LARGE1: variants seen among roughly 807,000 people sequenced by gnomAD.
LARGE1 encodes xylosyl- and glucuronyltransferase LARGE1.
LARGE1 carries 43 observed loss-of-function variants against 87.6 expected under a neutral mutation model. That is an observed-to-expected ratio of 0.49 (90% CI 0.38 to 0.63). LARGE1 has a LOEUF of 0.63. Ranked by LOEUF, LARGE1 falls within the 30% of genes least tolerant of loss-of-function variation. The pLI is 0.00. For synonymous variants in LARGE1, 434 were observed against 394.6 expected (o/e 1.10, Z -1.18); for missense variants, 802 against 1,000.2 (o/e 0.80, Z 2.67).
At chr22:33,331,490 C>A (rs189337047) in intron 10 of LARGE1, among the ~76,000 whole-genome samples, 1 of 150,840 alleles carries the variant, frequency 6.6e-6, no homozygotes, top group Non-Finnish European at 1.5e-5. Flanking sequence ...TCACTGCATC[C>A]TCTGCCTCCC....
intron 1 of LARGE1, among the ~76,000 whole-genome samples, chr22:33,771,139 CTTT>C (rs2085056106): frequency 6.6e-6 from 1 of 151,174 alleles, no homozygotes; most frequent in Non-Finnish European, 1.5e-5. Context: ...CACTGCCCTT[CTTT>C]ATCATACTCT....
the LARGE1 span, among the ~76,000 whole-genome samples, chr22:33,122,964 G>A: frequency 6.6e-6 from 1 of 152,186 alleles, no homozygotes; most frequent in Non-Finnish European, 1.5e-5. Flanking sequence ...AGGGGGCATA[G>A]GCTGGGATCT....
At chr22:33,454,609 C>T (rs2068057949) in intron 6 of LARGE1, among the ~76,000 whole-genome samples, 1 of 133,384 alleles carries the variant, frequency 7.5e-6, no homozygotes, top group Non-Finnish European at 1.6e-5. Flanking sequence ...CAGAGCAAGA[C>T]TCTGTCTAAA....
At chr22:33,364,447 A>C (rs940441408) in intron 9 of LARGE1, among the ~76,000 whole-genome samples, 1 of 151,906 alleles carries the variant, frequency 6.6e-6, no homozygotes, top group Non-Finnish European at 1.5e-5. Flanking sequence ...GCTGTTTTTT[A>C]TGTTCTTCCC....
intron 2 of LARGE1, among the ~76,000 whole-genome samples, chr22:33,706,065 C>A (rs534206075): frequency 2.0e-5 from 3 of 152,180 alleles, no homozygotes; most frequent in Non-Finnish European, 2.9e-5. Flanking sequence ...CAGTTAACTG[C>A]CCCGGTGGGC....
intron 2 of LARGE1, among the ~76,000 whole-genome samples, chr22:33,689,629 T>A (rs902613180): frequency 6.6e-6 from 1 of 151,296 alleles, no homozygotes; most frequent in African/African-American, 2.4e-5. Context: ...AAGAAAAAGG[T>A]GAGGTGGGGG....
At chr22:33,810,028 C>T (rs1339746359) in intron 1 of LARGE1, among the ~76,000 whole-genome samples, 2 of 151,966 alleles carry the variant, frequency 1.3e-5, no homozygotes, top group Non-Finnish European at 2.9e-5. Context: ...CAGGAGAGCA[C>T]AGAAAAAAAA....
intron 1 of LARGE1, among the ~76,000 whole-genome samples, chr22:33,765,055 T>C (rs2084856965): frequency 6.6e-6 from 1 of 152,226 alleles, no homozygotes; most frequent in Admixed American, 6.5e-5. Flanking sequence ...AAGTAGCACT[T>C]ATATGTCAAG....
chr22:33,674,520 T>C (rs1203467522), intron 2 of LARGE1, among the ~76,000 whole-genome samples: 4 of 152,150 alleles, frequency 2.6e-5, no homozygotes, highest in Non-Finnish European at 4.4e-5. Context: ...CGAAACTCTT[T>C]TGCATGACTC....
intron 2 of LARGE1, among the ~76,000 whole-genome samples, chr22:33,709,204 C>A (rs2082651999): frequency 6.6e-6 from 1 of 152,128 alleles, no homozygotes; most frequent in South Asian, 2.1e-4. Context: ...AAATGAGACA[C>A]ACAGGAAGTA....
At chr22:33,207,063 A>G (rs928039967) in intron 11 of LARGE1, among the ~76,000 whole-genome samples, 3 of 152,210 alleles carry the variant, frequency 2.0e-5, no homozygotes, top group African/African-American at 7.2e-5. Context: ...ACTGGAAGCT[A>G]GTGCCCCAAA....
At chr22:33,863,452 A>T (rs182203949) in intron 1 of LARGE1, among the ~76,000 whole-genome samples, 2 of 152,130 alleles carry the variant, frequency 1.3e-5, no homozygotes, top group South Asian at 4.1e-4. Context: ...AAGTTCAGGT[A>T]AACTTTATTA....
chr22:33,783,442 G>A (rs1377100958), intron 1 of LARGE1, among the ~76,000 whole-genome samples: 1 of 152,154 alleles, frequency 6.6e-6, no homozygotes, highest in Non-Finnish European at 1.5e-5. Context: ...GCGGGTGCCT[G>A]TAATCCCAGC....
chr22:33,611,792 T>C (rs968940139), intron 4 of LARGE1, among the ~76,000 whole-genome samples: 3 of 152,198 alleles, frequency 2.0e-5, no homozygotes, highest in Non-Finnish European at 4.4e-5. Flanking sequence ...ATCCCCAGCG[T>C]TGAAGGTGGA....
intron 1 of LARGE1, among the ~76,000 whole-genome samples, chr22:33,841,132 T>C (rs531334821): frequency 8.7e-4 from 133 of 152,332 alleles, no homozygotes; most frequent in African/African-American, 3.0e-3. Context: ...AGGTTAAATG[T>C]ATTAAACGCA....
intron 12 of LARGE1, among the ~76,000 whole-genome samples, chr22:33,293,274 A>G (rs1932857153): frequency 6.6e-6 from 1 of 152,254 alleles, no homozygotes; most frequent in Non-Finnish European, 1.5e-5. Flanking sequence ...GCTTACATGC[A>G]TTGAGTTTCA....
chr22:33,120,410 CCTTCT>C, the LARGE1 span, among the ~76,000 whole-genome samples: 2 of 75,404 alleles, frequency 2.7e-5, no homozygotes, highest in African/African-American at 1.5e-4. Context: ...TTCTTTCTTT[CCTTCT>C]TTCTTTCTTT....
At chr22:33,546,818 A>G (rs1388270410) in intron 6 of LARGE1, among the ~76,000 whole-genome samples, 3 of 152,180 alleles carry the variant, frequency 2.0e-5, no homozygotes, top group Non-Finnish European at 4.4e-5. Context: ...TCCTGACCTC[A>G]GGTTATCCGC....
At chr22:33,492,788 C>G (rs1407708964) in intron 6 of LARGE1, among the ~76,000 whole-genome samples, 1 of 152,146 alleles carries the variant, frequency 6.6e-6, no homozygotes, top group Non-Finnish European at 1.5e-5. Flanking sequence ...CAAAACAAAA[C>G]AAAACATGTT....
Sources: gnomAD v4.1 joint callset for allele counts (sites outside exome capture counted in the v4.1 genomes callset) on GRCh38, gnomAD v4.1.1 for gene constraint, MANE v1.5 for transcripts, NCBI Gene and HGNC (gene_info 2026-07-23, HGNC 2026-07-21) for gene names.